Variants in DLG2 observed in about 807,000 individuals in gnomAD.
The protein encoded by DLG2 is disks large homolog 2.
In DLG2, 45 loss-of-function variants were observed where a neutral mutation model predicts 132.5. That is an observed-to-expected ratio of 0.34 (90% confidence interval 0.27 to 0.44). DLG2 has a LOEUF of 0.44. DLG2 is among the 20% of genes least tolerant of loss of function. The pLI is 1.00. For missense variants in DLG2, 1,045 were observed against 1,196.9 expected, an observed-to-expected ratio of 0.87 and a Z score of 1.87; for synonymous variants, 424 against 419.6, an observed-to-expected ratio of 1.01 and a Z score of -0.13.
chr11:85,598,016 A>AT (rs201407891), intron 3 of DLG2, among the ~76,000 whole-genome samples: 37 of 151,640 alleles, frequency 2.4e-4, no homozygotes, highest in African/African-American at 7.0e-4. Context: ...TATAAAAAAA[A>AT]ATATATAAAT....
rs1234029148 is a variant in DLG2, at chr11:84,725,216, TC to T, written c.358-190486del. Reference sequence around the variant, plus strand: ...CCAGCTATCACTAATAGCTAATACATCCCAATTTTTCATCTACTCTCTATAA... The same window carrying T: ...CCAGCTATCACTAATAGCTAATACATCCAATTTTTCATCTACTCTCTATAA... On this transcript the variant is annotated intron_variant, in intron 6 of 27. Coordinates refer to ENST00000376104, the MANE Select transcript of DLG2 (RefSeq NM_001142699.3). Among the ~76,000 whole-genome samples the T allele has an allele frequency of 2.0e-5, 3 of 152,236 alleles. No individual in the cohort carries two copies. In the East Asian group the frequency reaches 5.8e-4, roughly 29 times the overall value.
At chr11:84,642,844 G>C (rs1319605791) in intron 6 of DLG2, among the ~76,000 whole-genome samples, 1 of 151,288 alleles carries the variant, frequency 6.6e-6, no homozygotes, top group Admixed American at 6.6e-5. Context: ...AAAAGACAAA[G>C]TCTTTTATTT....
chr11:84,144,081 G>C (rs968554766), intron 9 of DLG2, among the ~76,000 whole-genome samples: 18 of 152,026 alleles, frequency 1.2e-4, no homozygotes, highest in African/African-American at 4.3e-4. Context: ...TAAGAAGTTG[G>C]GGCCCTATGC....
At chr11:83,817,148 G>C (rs549741856) in intron 17 of DLG2, among the ~76,000 whole-genome samples, 1 of 152,280 alleles carries the variant, frequency 6.6e-6, no homozygotes, top group South Asian at 2.1e-4. Context: ...AAGGAAAATG[G>C]AGTACTAAAC....
chr11:83,737,995 A>G (rs2092133983), intron 18 of DLG2, among the ~76,000 whole-genome samples: 1 of 152,094 alleles, frequency 6.6e-6, no homozygotes, highest in African/African-American at 2.4e-5. Flanking sequence ...TCTCAGATCC[A>G]TATTCAGAGA....
chr11:85,209,467 T>TTTTTTTTAG (rs869176791), intron 4 of DLG2, among the ~76,000 whole-genome samples: 1 of 146,048 alleles, frequency 6.8e-6, no homozygotes, highest in Non-Finnish European at 1.5e-5. Flanking sequence ...TTTTTTTTTT[T>TTTTTTTTAG]GAGACAGAGA....
intron 6 of DLG2, among the ~76,000 whole-genome samples, chr11:84,685,401 C>T (rs2099737217): frequency 6.6e-6 from 1 of 152,166 alleles, no homozygotes; most frequent in Non-Finnish European, 1.5e-5. Context: ...GACATGATCC[C>T]AGGATTATTG....
intron 7 of DLG2, among the ~76,000 whole-genome samples, chr11:84,309,503 TCTTAA>T (rs759543390): frequency 6.6e-6 from 1 of 152,220 alleles, no homozygotes; most frequent in Non-Finnish European, 1.5e-5. Context: ...TGAGCAATTC[TCTTAA>T]CTTTTCTAGG....
At chr11:83,741,577 C>G (rs2092515579) in intron 18 of DLG2, among the ~76,000 whole-genome samples, 1 of 151,986 alleles carries the variant, frequency 6.6e-6, no homozygotes, top group African/African-American at 2.4e-5. Context: ...AAACGGAATA[C>G]CTAATAATAC....
chr11:85,595,371 T>C (rs1056328379), intron 3 of DLG2, among the ~76,000 whole-genome samples: 3 of 152,194 alleles, frequency 2.0e-5, no homozygotes, highest in Admixed American at 6.5e-5. Context: ...TAAAATATTA[T>C]GGAATTCCAA....
chr11:84,241,944 G>A (rs1427377900), intron 8 of DLG2, among the ~76,000 whole-genome samples: 1 of 152,172 alleles, frequency 6.6e-6, no homozygotes, highest in South Asian at 2.1e-4. Context: ...GAGACCTGAC[G>A]CTGCCAGTTC....
chr11:85,535,775 T>C (rs551756529), intron 3 of DLG2, among the ~76,000 whole-genome samples: 2 of 152,314 alleles, frequency 1.3e-5, no homozygotes, highest in East Asian at 3.9e-4. Context: ...TAAAATATGA[T>C]ATATTCATAC....
chr11:84,030,356 A>G (rs2095658214), intron 11 of DLG2, among the ~76,000 whole-genome samples: 1 of 152,116 alleles, frequency 6.6e-6, no homozygotes, highest in African/African-American at 2.4e-5. Context: ...AGAGTTTTTG[A>G]ATAACTCCCC....
chr11:83,750,738 A>G (rs776439862), intron 18 of DLG2, among the ~76,000 whole-genome samples: 1 of 152,236 alleles, frequency 6.6e-6, no homozygotes, highest in Non-Finnish European at 1.5e-5. Context: ...TGATCAAAAC[A>G]TATAGAATAA....
At chr11:84,126,492 G>C (rs547310882) in intron 9 of DLG2, among the ~76,000 whole-genome samples, 1 of 151,876 alleles carries the variant, frequency 6.6e-6, no homozygotes, top group East Asian at 1.9e-4. Flanking sequence ...GAAATCATCT[G>C]ATACAAAATA....
intron 16 of DLG2, among the ~76,000 whole-genome samples, chr11:83,834,885 C>A (rs1451394946): frequency 2.0e-5 from 3 of 152,132 alleles, no homozygotes; most frequent in African/African-American, 7.2e-5. Flanking sequence ...CATCACCCAC[C>A]CTCCTCTCCC....
At chr11:85,300,360 C>G (rs1052822293) in intron 3 of DLG2, among the ~76,000 whole-genome samples, 1 of 152,090 alleles carries the variant, frequency 6.6e-6, no homozygotes. Flanking sequence ...AAACAATCTT[C>G]AAAGATGTAG....
Position 83,459,870 on chromosome 11 carries a change from A to G in DLG2, c.2876T>C (p.Ile959Thr), listed in dbSNP as rs1309180670. The change falls in exon 28 of 28, where the codon ATT becomes ACT. Residue 959 changes from isoleucine (I) to threonine (T), a missense_variant. Around this residue, in one of 4 missense-constraint regions of DLG2, gnomAD observed 398 missense variants for 543.6 expected, o/e 0.73. Coordinates refer to ENST00000376104, the MANE Select transcript of DLG2 (RefSeq NM_001142699.3). ...GATGAAAGGCCCAGATTGCTCTTCA[A>G]TAACAAGCTTGCATTGGTTATATAT... Reference protein sequence around the residue: ...EDIYNQCKLVIEEQSGPFIWI... With the variant: ...EDIYNQCKLVTEEQSGPFIWI... 6.2e-7 allele frequency: 1 copy of G among 1,612,802 alleles called. No individual in the cohort carries two copies. Among genetic ancestry groups the G allele is most frequent in the African/African-American group, 1.3e-5 (1 of 75,020 alleles).
At chr11:84,590,376 A>G (rs1402131892) in intron 6 of DLG2, among the ~76,000 whole-genome samples, 1 of 152,184 alleles carries the variant, frequency 6.6e-6, no homozygotes, top group Non-Finnish European at 1.5e-5. Context: ...TATGCTTGGC[A>G]CGTTTTTTCT....
Sources: gnomAD v4.1 joint callset for allele counts (sites outside exome capture counted in the v4.1 genomes callset) on GRCh38, gnomAD v4.1.1 for gene constraint, gnomAD v4.1.1 regional missense constraint, MANE v1.5 for transcripts, NCBI Gene and HGNC (gene_info 2026-07-23, HGNC 2026-07-21) for gene names.